The following GALNT13 variants were observed in gnomAD, a reference collection of about 807,000 sequenced individuals.
The protein encoded by GALNT13 is UDP-GalNAc:polypeptide N-acetylgalactosaminyltransferase 13.
In GALNT13, 28 loss-of-function variants were observed where a neutral mutation model predicts 64.2. The observed-to-expected ratio is 0.44, with a 90% CI of 0.32 to 0.60. GALNT13 has a LOEUF of 0.60. GALNT13 is among the 20% of genes least tolerant of loss of function. The pLI is 0.05. For missense variants in GALNT13, 577 were observed against 669.8 expected (o/e 0.86, Z 1.53); for synonymous variants, 214 against 224.6 (o/e 0.95, Z 0.42).
the GALNT13 span, among the ~76,000 whole-genome samples, chr2:153,268,080 A>C: frequency 1.3e-5 from 2 of 152,258 alleles, no homozygotes; most frequent in Non-Finnish European, 2.9e-5. Context: ...ATTCCCTTCC[A>C]ACAGTCCCCA....
chr2:153,205,717 A>T, the GALNT13 span, among the ~76,000 whole-genome samples: 258 of 152,152 alleles, frequency 1.7e-3, no homozygotes, highest in African/African-American at 5.8e-3. Context: ...ACATCTTAGT[A>T]ATTTCCATTT....
At chr2:154,390,195 C>G (rs1559129314) in intron 9 of GALNT13, among the ~76,000 whole-genome samples, 2 of 152,220 alleles carry the variant, frequency 1.3e-5, no homozygotes, top group African/African-American at 2.4e-5. Context: ...GAATTTAATA[C>G]TATAATGCAA....
chr2:153,068,754 G>A, the GALNT13 span, among the ~76,000 whole-genome samples: 1 of 152,154 alleles, frequency 6.6e-6, no homozygotes, highest in Non-Finnish European at 1.5e-5. Context: ...CCCTTTTTAA[G>A]TAGCATAGGT....
At chr2:153,309,667 C>A in the GALNT13 span, among the ~76,000 whole-genome samples, 51 of 152,040 alleles carry the variant, frequency 3.4e-4, no homozygotes, top group African/African-American at 1.2e-3. Context: ...GACCTCTTTT[C>A]TTAGATACTC....
the GALNT13 span, among the ~76,000 whole-genome samples, chr2:153,366,644 G>A: frequency 2.7e-5 from 4 of 149,490 alleles, no homozygotes; most frequent in East Asian, 2.0e-4. Context: ...AAATATTTCC[G>A]AAATTAATGA....
At chr2:153,233,224 C>T in the GALNT13 span, among the ~76,000 whole-genome samples, 1 of 152,142 alleles carries the variant, frequency 6.6e-6, no homozygotes, top group African/African-American at 2.4e-5. Context: ...CAGAAGTTGG[C>T]ATGGTTCTTA....
the GALNT13 span, among the ~76,000 whole-genome samples, chr2:153,629,020 C>T: frequency 6.6e-6 from 1 of 152,122 alleles, no homozygotes; most frequent in Non-Finnish European, 1.5e-5. Flanking sequence ...GCCACAATTT[C>T]AGAGCCTGTT....
the GALNT13 span, among the ~76,000 whole-genome samples, chr2:153,607,373 G>T: frequency 6.6e-6 from 1 of 152,004 alleles, no homozygotes; most frequent in South Asian, 2.1e-4. Flanking sequence ...ACACTAAGCT[G>T]TCCACCATCA....
chr2:154,151,951 G>T (rs934313714), intron 4 of GALNT13, among the ~76,000 whole-genome samples: 2 of 152,122 alleles, frequency 1.3e-5, no homozygotes, highest in African/African-American at 2.4e-5. Context: ...ATATTGTTAT[G>T]TGTGAATTTG....
At chr2:153,095,143 A>T in the GALNT13 span, among the ~76,000 whole-genome samples, 1 of 152,248 alleles carries the variant, frequency 6.6e-6, no homozygotes, top group African/African-American at 2.4e-5. Context: ...TACCCATCTG[A>T]TAAAGGGCTA....
chr2:154,443,016 C>G (rs1172874026), intron 12 of GALNT13, among the ~76,000 whole-genome samples: 1 of 152,048 alleles, frequency 6.6e-6, no homozygotes, highest in Non-Finnish European at 1.5e-5. Context: ...TTTACTTACA[C>G]TACCATCTTT....
intron 3 of GALNT13, among the ~76,000 whole-genome samples, chr2:153,999,375 G>A (rs1041993379): frequency 4.0e-5 from 6 of 151,842 alleles, no homozygotes; most frequent in Non-Finnish European, 5.9e-5. Flanking sequence ...GTGAAAGTGG[G>A]CACCTTTGTC....
chr2:153,649,965 A>G, the GALNT13 span, among the ~76,000 whole-genome samples: 37,291 of 152,072 alleles, frequency 0.25, 5,713 homozygotes, highest in Middle Eastern at 0.46. Flanking sequence ...CAGAGTCTGT[A>G]GATGTCTATT....
intron 1 of GALNT13, among the ~76,000 whole-genome samples, chr2:153,877,643 ATT>A (rs1442812977): frequency 7.7e-6 from 1 of 129,100 alleles, no homozygotes; most frequent in African/African-American, 3.6e-5. Context: ...TCTTGAGATT[ATT>A]ATTATATAAT....
At chr2:153,166,654 TGTGTG>T in the GALNT13 span, among the ~76,000 whole-genome samples, 35 of 148,014 alleles carry the variant, frequency 2.4e-4, no homozygotes, top group African/African-American at 8.5e-4. Flanking sequence ...TGTGTGTGTG[TGTGTG>T]TGTGTGTGTG....
chr2:153,487,638 C>T, the GALNT13 span, among the ~76,000 whole-genome samples: 1 of 152,158 alleles, frequency 6.6e-6, no homozygotes, highest in Non-Finnish European at 1.5e-5. Flanking sequence ...CAGACTGGGG[C>T]ACTGGGAGAG....
the GALNT13 span, among the ~76,000 whole-genome samples, chr2:153,335,879 T>C: frequency 1.3e-5 from 2 of 152,188 alleles, no homozygotes; most frequent in Non-Finnish European, 2.9e-5. Context: ...TTTTGTGGGC[T>C]GGGCCCAGGG....
chr2:154,455,733 C>T (rs1452872788), downstream of GALNT13, among the ~76,000 whole-genome samples: 5 of 152,006 alleles, frequency 3.3e-5, no homozygotes, highest in African/African-American at 9.7e-5. Flanking sequence ...TATGTGTAGC[C>T]CAGTTTGTTT....
intron 3 of GALNT13, among the ~76,000 whole-genome samples, chr2:154,122,107 A>G (rs1467201457): frequency 6.6e-6 from 1 of 152,080 alleles, no homozygotes; most frequent in Non-Finnish European, 1.5e-5. Flanking sequence ...ATAAGTTAAT[A>G]TGTGAATTTT....
Sources: allele counts gnomAD v4.1 joint callset (sites outside exome capture counted in the v4.1 genomes callset), GRCh38; gene constraint gnomAD v4.1.1; transcripts MANE v1.5; gene names NCBI Gene and HGNC (gene_info 2026-07-23, HGNC 2026-07-21).